Variants in ETV1 observed in about 807,000 individuals in gnomAD.
ETV1 encodes ETS translocation variant 1.
A neutral mutation model predicts 62.3 loss-of-function variants in ETV1; 27 were observed. That is an observed-to-expected ratio of 0.43 (90% confidence interval 0.32 to 0.60). The LOEUF is 0.60. Among genes scored for constraint, ETV1 ranks in the 20% least tolerant of loss-of-function variants. The pLI is 0.06. For synonymous variants in ETV1, 222 were observed against 199.6 expected (o/e 1.11, Z -0.94); for missense variants, 605 against 605.8 (o/e 1.00, Z 0.01).
At chr7:13,975,505 G>C (rs1487287597) in intron 6 of ETV1, among the ~76,000 whole-genome samples, 1 of 148,458 alleles carries the variant, frequency 6.7e-6, no homozygotes, top group Admixed American at 6.8e-5. Flanking sequence ...GGAGCTTGCA[G>C]TGAGCCAAGA....
intron 6 of ETV1, among the ~76,000 whole-genome samples, chr7:13,940,347 GC>G (rs951444039): frequency 1.0e-4 from 15 of 148,058 alleles, no homozygotes; most frequent in African/African-American, 3.5e-4. Context: ...GGGCAACAGA[GC>G]GAGACTCCAC....
At chr7:13,927,790 G>T (rs1785603443) in intron 9 of ETV1, among the ~76,000 whole-genome samples, 1 of 152,078 alleles carries the variant, frequency 6.6e-6, no homozygotes, top group Non-Finnish European at 1.5e-5. Flanking sequence ...TGGTTATGGG[G>T]TTACTATATT....
rs1202004353 is a variant in ETV1, at chr7:13,895,574, T to A, written c.*292A>T. 2 of 380,808 alleles carry A rather than the reference T, an allele frequency of 5.3e-6. No homozygotes were observed. The highest frequency in any genetic ancestry group is 4.8e-6 in the Non-Finnish European group (1 of 210,020). 23.6% of individuals were successfully genotyped at this position (380,808 alleles called of 1,614,324 possible). On this transcript the variant is annotated 3_prime_UTR_variant, in exon 14 of 14. Coordinates refer to ENST00000430479, the MANE Select transcript of ETV1 (RefSeq NM_004956.5). ...ATAGTTTCATCATACTCAAAACTTG[T>A]AGGACCCCATCCCAAGCCTAAGTAA... is the stretch of plus-strand genomic sequence containing the variant.
At chr7:13,938,168 C>A (rs750564752) in intron 7 of ETV1, among the ~76,000 whole-genome samples, 1 of 152,186 alleles carries the variant, frequency 6.6e-6, no homozygotes, top group Non-Finnish European at 1.5e-5. Flanking sequence ...TGGTCTTGAA[C>A]TCCCGACCTC....
intron 9 of ETV1, among the ~76,000 whole-genome samples, chr7:13,912,772 TGA>T (rs1783690803): frequency 1.3e-5 from 2 of 152,154 alleles, no homozygotes; most frequent in South Asian, 4.1e-4. Context: ...CAGAGAAGCC[TGA>T]AAAAATATGG....
chr7:13,976,199 C>A (rs959343174), intron 6 of ETV1, among the ~76,000 whole-genome samples: 1 of 152,088 alleles, frequency 6.6e-6, no homozygotes, highest in Non-Finnish European at 1.5e-5. Flanking sequence ...ACAGTGGTTA[C>A]CAGGGACTGA....
rs564604931 is a variant in ETV1 at position 13,900,718 on chromosome 7, A to C, written c.1212+20T>G. 10 of 1,487,106 alleles carry C rather than the reference A, an allele frequency of 6.7e-6. No individual in the cohort carries two copies. The highest frequency in any genetic ancestry group is 1.2e-5 in the South Asian group (1 of 82,996). The allele number at this position is 1,487,106 out of a possible 1,614,324, so 92.1% of individuals were successfully genotyped here. A position where few individuals can be genotyped will look rare whatever the true frequency, so the allele number is the denominator to read the frequency against. On this transcript the variant is annotated intron_variant, in intron 13 of 13. Coordinates refer to ENST00000430479, the MANE Select transcript of ETV1 (RefSeq NM_004956.5). ...ATGTGCAACATTTCAATGAATTTTA[A>C]TGCTGTATTAGCTGCTCACCTTTTG...
chr7:13,908,116 T>C (rs1284620679), intron 11 of ETV1, among the ~76,000 whole-genome samples: 1 of 152,136 alleles, frequency 6.6e-6, no homozygotes, highest in Non-Finnish European at 1.5e-5. Flanking sequence ...ACTGACCATG[T>C]ACAGTGAAAA....
At chr7:13,952,149 A>AT (rs1788894753) in intron 6 of ETV1, among the ~76,000 whole-genome samples, 1 of 152,194 alleles carries the variant, frequency 6.6e-6, no homozygotes, top group Non-Finnish European at 1.5e-5. Context: ...AGAACACTGG[A>AT]TTAGGAGTCG....
intron 2 of ETV1, 30 bp from the exon 3 acceptor site, chr7:13,989,169 T>TTA: frequency 1.4e-6 from 1 of 702,048 alleles, no homozygotes; most frequent in African/African-American, 1.9e-5. Flanking sequence ...CTTTTAGGCT[T>TTA]AAAAAAAAAT....
chr7:13,929,804 G>A (rs537531572), intron 9 of ETV1, among the ~76,000 whole-genome samples: 2 of 152,234 alleles, frequency 1.3e-5, no homozygotes, highest in Non-Finnish European at 2.9e-5. Flanking sequence ...CCTCAACGGG[G>A]CCAATTCCCT....
chr7:13,942,592 G>C (rs1009597936), intron 6 of ETV1, among the ~76,000 whole-genome samples: 1 of 151,998 alleles, frequency 6.6e-6, no homozygotes, highest in African/African-American at 2.4e-5. Context: ...CCCAGTGTCT[G>C]TTCTCCTTTG....
chr7:13,907,533 A>T (rs2128415460), intron 11 of ETV1, among the ~76,000 whole-genome samples: 1 of 150,268 alleles, frequency 6.7e-6, no homozygotes, highest in South Asian at 2.2e-4. Flanking sequence ...CTGGTCAGTT[A>T]TATTAATTTT....
At chr7:13,944,548 T>A (rs1787932399) in intron 6 of ETV1, among the ~76,000 whole-genome samples, 1 of 148,452 alleles carries the variant, frequency 6.7e-6, no homozygotes, top group Admixed American at 6.8e-5. Flanking sequence ...CCGAATTTGC[T>A]GGGGCGGGGG....
intron 7 of ETV1, among the ~76,000 whole-genome samples, chr7:13,936,332 G>T (rs879685235): frequency 1.1e-4 from 17 of 152,132 alleles, no homozygotes; most frequent in African/African-American, 3.9e-4. Flanking sequence ...AGCTTAATAA[G>T]GCAGAGACCA....
intron 12 of ETV1, among the ~76,000 whole-genome samples, chr7:13,903,431 C>T (rs569272634): frequency 1.6e-4 from 25 of 152,136 alleles, no homozygotes; most frequent in Admixed American, 1.4e-3. Flanking sequence ...CATCAAAAGA[C>T]TTTTATACTG....
chr7:13,976,195 G>C lies in ETV1; in HGVS notation c.235+1232C>G, dbSNP rs149557069. ...CAAAAATAAAGCTAATACAACAGTG[G>C]TTACCAGGGACTGAGGGCAGAGAAA... is the stretch of plus-strand genomic sequence containing the variant. On this transcript the variant is annotated intron_variant, in intron 6 of 13. Transcript: ENST00000430479. Among the ~76,000 whole-genome samples, 6 of 152,294 alleles carry C rather than the reference G, an allele frequency of 3.9e-5. No homozygotes were observed. The East Asian group carries it at 1.2e-3, about 29-fold the overall frequency.
Position 13,931,666 on chromosome 7 carries a change from C to T in ETV1, c.638G>A (p.Arg213His), listed in dbSNP as rs748182764. 6.2e-7 allele frequency: 1 copy of T among 1,613,812 alleles called. No individual in the cohort carries two copies. The highest frequency in any genetic ancestry group is 8.5e-7 in the Non-Finnish European group (1 of 1,179,854). ...GGGGATGTTTGGCTCAGACATCTGG[C>T]GTTGGTACATAGGACGTCCTTCCCT... Reference protein sequence around the residue: ...MPREGRPMYQRQMSEPNIPFP... With the variant: ...MPREGRPMYQHQMSEPNIPFP... The change falls in exon 9 of 14, where the codon CGC (arginine) becomes CAC (histidine). Residue 213 changes from arginine to histidine, a missense_variant. Physicochemically the swap from Arg to His is conservative, Grantham distance 29 (BLOSUM62 0). Transcript: ENST00000430479.
At chr7:13,965,360 G>A (rs1343895919) in intron 6 of ETV1, among the ~76,000 whole-genome samples, 5 of 152,146 alleles carry the variant, frequency 3.3e-5, no homozygotes, top group African/African-American at 1.2e-4. Flanking sequence ...ACCTCTATTG[G>A]AAGGTGCTCT....
Sources: gnomAD v4.1 joint callset for allele counts (sites outside exome capture counted in the v4.1 genomes callset) on GRCh38, gnomAD v4.1.1 for gene constraint, MANE v1.5 for transcripts, NCBI Gene and HGNC (gene_info 2026-07-23, HGNC 2026-07-21) for gene names.